The following TMEM229A variants were observed in gnomAD, a reference collection of about 807,000 sequenced individuals.
The protein encoded by TMEM229A is transmembrane protein 229A.
TMEM229A carries 23 observed loss-of-function variants against 30.0 expected under a neutral mutation model. The ratio of observed to expected loss-of-function variants is 0.77; its 90% confidence interval spans 0.55 to 1.09. The LOEUF (loss-of-function observed/expected upper bound fraction) is 1.09. Among genes scored for constraint, TMEM229A ranks in the 50% least tolerant of loss-of-function variants. The pLI is 0.00. For synonymous variants in TMEM229A, 264 were observed against 241.5 expected (o/e 1.09, Z -0.86); for missense variants, 534 against 525.9 (o/e 1.02, Z -0.15).
chr7:124,032,546 G>C lies in TMEM229A; in HGVS notation c.458C>G (p.Ala153Gly). The change falls in exon 1 of 1, where the codon GCG (alanine) becomes GGG (glycine). Residue 153 changes from alanine to glycine, a missense_variant. By Grantham distance (60) the Ala-to-Gly change is moderately conservative. Coordinates refer to ENST00000455783, the MANE Select transcript of TMEM229A (RefSeq NM_001136002.2). This position sits in a 1 kb window ranked among gnomAD's most constrained non-coding sequence, Gnocchi z 6.6. ...SLGGGAGVAVAPGALDLALQY... is the reference protein window; with the variant it reads ...SLGGGAGVAVGPGALDLALQY... ...CAGCGCCAGGTCCAGCGCCCCTGGC[G>C]CCACCGCGACCCCCGCCCCGCCGCC... The C allele has an allele frequency of 6.5e-7, 1 of 1,549,310 alleles. No homozygotes were observed. The highest frequency in any genetic ancestry group is 8.7e-7 in the Non-Finnish European group (1 of 1,145,932).
chr7:124,032,060 A>C lies in TMEM229A; in HGVS notation c.944T>G (p.Ile315Ser). Residue 315 changes from isoleucine to serine, a missense_variant, in exon 1 of 1, where the codon ATC (isoleucine) becomes AGC (serine). Ile to Ser is a moderately radical substitution (Grantham distance 142). Coordinates refer to ENST00000455783, the MANE Select transcript of TMEM229A (RefSeq NM_001136002.2). This position sits in a 1 kb window ranked among gnomAD's most constrained non-coding sequence, Gnocchi z 6.6. ...GTWKRVPIYVIFIYVWELSWG... is the reference protein window; with the variant it reads ...GTWKRVPIYVSFIYVWELSWG... ...GGACAGCTCCCACACGTAGATGAAG[A>C]TCACGTAGATGGGCACCCGCTTCCA... 1 of 1,551,664 alleles carries C rather than the reference A, an allele frequency of 6.4e-7. No homozygotes were observed. The highest frequency in any genetic ancestry group is 8.7e-7 in the Non-Finnish European group (1 of 1,146,998).
Position 124,032,967 on chromosome 7 carries a change from G to T in TMEM229A, c.37C>A (p.Arg13=). 2 of 1,318,052 alleles carry T rather than the reference G, an allele frequency of 1.5e-6. No individual in the cohort carries two copies. Among genetic ancestry groups the T allele is most frequent in the Non-Finnish European group, 9.6e-7 (1 of 1,039,842 alleles). 81.6% of individuals were successfully genotyped at this position (1,318,052 alleles called of 1,614,324 possible). A position where few individuals can be genotyped will look rare whatever the true frequency, so the allele number is the denominator to read the frequency against. ...GSDVDSEGPA[R]RGGAARRPGA... The stretch of plus-strand genomic sequence containing the variant: ...GGACGCCGCGCCGCGCCGCCCCTCC[G>T]TGCGGGGCCCTCGCTGTCCACGTCG... The change falls in exon 1 of 1, where the codon CGG becomes AGG. Residue 13 remains arginine, a synonymous_variant. Coordinates refer to ENST00000455783, the MANE Select transcript of TMEM229A (RefSeq NM_001136002.2). The surrounding 1 kb of genome is among the most constrained non-coding windows in gnomAD (Gnocchi z 6.6).
In TMEM229A at chr7:124,031,236, AT is replaced by A. The variant is rs1450243842; in HGVS notation, c.*624del. On this transcript the variant is annotated 3_prime_UTR_variant, in exon 1 of 1. Coordinates refer to ENST00000455783, the MANE Select transcript of TMEM229A (RefSeq NM_001136002.2). The surrounding 1 kb of genome is among the most constrained non-coding windows in gnomAD (Gnocchi z 4.1). ...TGTGAGTTGCTAGAAAAGACCTCTC[AT>A]TTAAAAATCTGTTCATAGAACGTGC... 1 of 152,240 alleles carries A rather than the reference AT, an allele frequency of 6.6e-6. No individual in the cohort carries two copies. Among genetic ancestry groups the A allele is most frequent in the African/African-American group, 2.4e-5 (1 of 41,462 alleles). 9.4% of individuals were successfully genotyped at this position (152,240 alleles called of 1,614,324 possible).
rs71163719 is a variant in TMEM229A, at chr7:124,032,402, C to CGCTGCTGCT, written c.593_601dup (p.Gln198_Gln200dup). On this transcript the variant is annotated inframe_insertion, in exon 1 of 1. Transcript: ENST00000455783. The surrounding 1 kb of genome is among the most constrained non-coding windows in gnomAD (Gnocchi z 6.6). The stretch of plus-strand genomic sequence containing the variant: ...GGGAGGGACGGGGAGCGCGCCCCTC[C>CGCTGCTGCT]GCTGCTGCTGCTGCTGCTGCTGCTG... 9.6e-5 allele frequency: 147 copies of CGCTGCTGCT among 1,539,026 alleles called. No individual in the cohort carries two copies. Among genetic ancestry groups the CGCTGCTGCT allele is most frequent in the Middle Eastern group, 5.6e-4 (3 of 5,320 alleles).
Position 124,032,809 on chromosome 7 carries a change from G to T in TMEM229A, c.195C>A (p.Ile65=), listed in dbSNP as rs909338753. 1 of 1,550,456 alleles carries T rather than the reference G, an allele frequency of 6.4e-7. No homozygotes were observed. The highest frequency in any genetic ancestry group is 8.7e-7 in the Non-Finnish European group (1 of 1,146,650). Residue 65 remains isoleucine (I), a synonymous_variant, in exon 1 of 1, where the codon ATC becomes ATA. Coordinates refer to ENST00000455783, the MANE Select transcript of TMEM229A (RefSeq NM_001136002.2). The surrounding 1 kb of genome is among the most constrained non-coding windows in gnomAD (Gnocchi z 6.6). ...MRLYFYGMHG[I]TLDVLVSSAR... ...CCGAGGACACCAGCACGTCCAGGGT[G>T]ATCCCGTGCATCCCGTAGAAGTAGA...
Position 124,032,454 on chromosome 7 carries a change from G to T in TMEM229A, c.550C>A (p.Arg184=). 2 of 1,548,272 alleles carry T rather than the reference G, an allele frequency of 1.3e-6. No individual in the cohort carries two copies. Among genetic ancestry groups the T allele is most frequent in the Non-Finnish European group, 8.7e-7 (1 of 1,146,504 alleles). The change falls in exon 1 of 1, where the codon CGA becomes AGA. Residue 184 remains arginine (R), a synonymous_variant. Transcript: ENST00000455783. The surrounding 1 kb of genome is among the most constrained non-coding windows in gnomAD (Gnocchi z 6.6). The part of the protein sequence containing the change: ...LKRFLRLRYG[R]QRRRQQQQQQ... ...TGTTGCTGCTGCCGCCGCCTCTGTC[G>T]CCCGTACCGCAAGCGCAGGAAGCGC...
chr7:124,031,295 G>A lies in TMEM229A; in HGVS notation c.*566C>T, dbSNP rs1488523044. The stretch of plus-strand genomic sequence containing the variant: ...TTTTTCAGCCTCTTTTCACTTGTGT[G>A]CTAGACGGAGGCACTTTAAGAGCTA... On this transcript the variant is annotated 3_prime_UTR_variant, in exon 1 of 1. Transcript: ENST00000455783. This position sits in a 1 kb window ranked among gnomAD's most constrained non-coding sequence, Gnocchi z 4.1. The A allele has an allele frequency of 1.3e-5, 2 of 152,226 alleles. No homozygotes were observed. Among genetic ancestry groups the A allele is most frequent in the African/African-American group, 4.8e-5 (2 of 41,462 alleles). 9.4% of individuals were successfully genotyped at this position (152,226 alleles called of 1,614,324 possible).
rs745427714 is a variant in TMEM229A at position 124,032,477 on chromosome 7, C to A, written c.527G>T (p.Arg176Leu). The A allele has an allele frequency of 3.0e-5, 46 of 1,549,502 alleles. No individual in the cohort carries two copies. The highest frequency in any genetic ancestry group is 3.8e-5 in the Non-Finnish European group (44 of 1,146,584). ...ALYHCQVFLK[R>L]FLRLRYGRQR... ...TCGCCCGTACCGCAAGCGCAGGAAG[C>A]GCTTCAGGAACACTTGGCAGTGGTA... The change falls in exon 1 of 1, where the codon CGC becomes CTC. Residue 176 changes from arginine to leucine, a missense_variant. Arg to Leu is a moderately radical substitution (Grantham distance 102). Coordinates refer to ENST00000455783, the MANE Select transcript of TMEM229A (RefSeq NM_001136002.2). This position sits in a 1 kb window ranked among gnomAD's most constrained non-coding sequence, Gnocchi z 6.6.
chr7:124,032,556 C>T lies in TMEM229A; in HGVS notation c.448G>A (p.Val150Ile), dbSNP rs1437254014. Residue 150 changes from valine (V) to isoleucine (I), a missense_variant, in exon 1 of 1, where the codon GTC becomes ATC. Coordinates refer to ENST00000455783, the MANE Select transcript of TMEM229A (RefSeq NM_001136002.2). The surrounding 1 kb of genome is among the most constrained non-coding windows in gnomAD (Gnocchi z 6.6). ...TCCAGCGCCCCTGGCGCCACCGCGACCCCCGCCCCGCCGCCCAGGCTGAGT... is the reference window on the plus strand; with the variant it reads ...TCCAGCGCCCCTGGCGCCACCGCGATCCCCGCCCCGCCGCCCAGGCTGAGT... ...LLLSLGGGAGVAVAPGALDLA... is the reference protein window; with the variant it reads ...LLLSLGGGAGIAVAPGALDLA... 5 of 1,549,308 alleles carry T rather than the reference C, an allele frequency of 3.2e-6. No homozygotes were observed. The highest frequency in any genetic ancestry group is 2.5e-5 in the East Asian group (1 of 40,808).
chr7:124,031,876 G>C lies in TMEM229A; in HGVS notation c.1128C>G (p.Tyr376Ter). The change falls in exon 1 of 1, where the codon TAC (tyrosine) becomes TAG (stop). Residue 376 changes from tyrosine to a stop codon, truncating the protein, a stop_gained. Coordinates refer to ENST00000455783, the MANE Select transcript of TMEM229A (RefSeq NM_001136002.2). LOFTEE classifies it high-confidence loss of function. The surrounding 1 kb of genome is among the most constrained non-coding windows in gnomAD (Gnocchi z 4.1). ...TTTTTTGGTTTTAGTTAGCTGGTAC[G>C]TACTGCACCCTCCACAACACGTTGG... Reference protein sequence around the residue: ...LISNVLWRVQYVPAN With the variant: ...LISNVLWRVQ 1 of 1,550,338 alleles carries C rather than the reference G, an allele frequency of 6.5e-7. No individual in the cohort carries two copies. Among genetic ancestry groups the C allele is most frequent in the Non-Finnish European group, 8.7e-7 (1 of 1,146,356 alleles).
Position 124,032,953 on chromosome 7 carries a change from C to T in TMEM229A, c.51G>A (p.Ala17=). ...DSEGPARRGG[A]ARRPGAPGGP... is the part of the protein sequence containing the mutation. The stretch of plus-strand genomic sequence containing the variant: ...CGCCAGGGGCCCCCGGACGCCGCGC[C>T]GCGCCGCCCCTCCGTGCGGGGCCCT... Residue 17 remains alanine (A), a synonymous_variant, in exon 1 of 1, where the codon GCG becomes GCA. Transcript: ENST00000455783. This position sits in a 1 kb window ranked among gnomAD's most constrained non-coding sequence, Gnocchi z 6.6. 7.5e-7 allele frequency: 1 copy of T among 1,334,986 alleles called. No individual in the cohort carries two copies. Among genetic ancestry groups the T allele is most frequent in the South Asian group, 2.0e-5 (1 of 49,050 alleles). The allele number at this position is 1,334,986 out of a possible 1,614,324, so 82.7% of individuals were successfully genotyped here.
Position 124,032,064 on chromosome 7 carries a change from C to T in TMEM229A, c.940G>A (p.Val314Met), listed in dbSNP as rs1410242477. 2.6e-6 allele frequency: 4 copies of T among 1,551,714 alleles called. No homozygotes were observed. The highest frequency in any genetic ancestry group is 2.0e-5 in the Admixed American group (1 of 51,004). ...AGCTCCCACACGTAGATGAAGATCA[C>T]GTAGATGGGCACCCGCTTCCAAGTG... ...WGTWKRVPIY[V>M]IFIYVWELSW... is the part of the protein sequence containing the mutation. Residue 314 changes from valine to methionine, a missense_variant, in exon 1 of 1, where the codon GTG becomes ATG. Val to Met is a conservative substitution (Grantham distance 21). Coordinates refer to ENST00000455783, the MANE Select transcript of TMEM229A (RefSeq NM_001136002.2). This position sits in a 1 kb window ranked among gnomAD's most constrained non-coding sequence, Gnocchi z 6.6.
At position 124,032,392 on chromosome 7, in the gene TMEM229A, C is replaced by A; in HGVS notation, c.612G>T (p.Ala204=). The change falls in exon 1 of 1, where the codon GCG becomes GCT. Residue 204 remains alanine, a synonymous_variant. Coordinates refer to ENST00000455783, the MANE Select transcript of TMEM229A (RefSeq NM_001136002.2). This position sits in a 1 kb window ranked among gnomAD's most constrained non-coding sequence, Gnocchi z 6.6. The stretch of plus-strand genomic sequence containing the variant: ...CCCGGGCGCCGGGAGGGACGGGGAG[C>A]GCGCCCCTCCGCTGCTGCTGCTGCT... ...QQQQQQQRRG[A]LPVPPGARVP... 1 of 1,541,012 alleles carries A rather than the reference C, an allele frequency of 6.5e-7. No individual in the cohort carries two copies. The highest frequency in any genetic ancestry group is 2.5e-5 in the East Asian group (1 of 40,386).
rs1266239366 is a variant in TMEM229A at position 124,032,815 on chromosome 7, G to A, written c.189C>T (p.His63=). The change falls in exon 1 of 1, where the codon CAC becomes CAT. Residue 63 remains histidine, a synonymous_variant. Coordinates refer to ENST00000455783, the MANE Select transcript of TMEM229A (RefSeq NM_001136002.2). This position sits in a 1 kb window ranked among gnomAD's most constrained non-coding sequence, Gnocchi z 6.6. The stretch of plus-strand genomic sequence containing the variant: ...ACACCAGCACGTCCAGGGTGATCCC[G>A]TGCATCCCGTAGAAGTAGAGGCGCA... ...AWMRLYFYGM[H]GITLDVLVSS... The A allele has an allele frequency of 1.3e-6, 2 of 1,550,146 alleles. No homozygotes were observed. The highest frequency in any genetic ancestry group is 2.0e-5 in the Admixed American group (1 of 50,934).
chr7:124,032,807 G>A lies in TMEM229A; in HGVS notation c.197C>T (p.Thr66Ile). Residue 66 changes from threonine (T) to isoleucine (I), a missense_variant, in exon 1 of 1, where the codon ACC becomes ATC. By Grantham distance (89) the Thr-to-Ile change is moderately conservative. Coordinates refer to ENST00000455783, the MANE Select transcript of TMEM229A (RefSeq NM_001136002.2). The surrounding 1 kb of genome is among the most constrained non-coding windows in gnomAD (Gnocchi z 6.6). ...GGCCGAGGACACCAGCACGTCCAGG[G>A]TGATCCCGTGCATCCCGTAGAAGTA... The part of the protein sequence containing the change: ...RLYFYGMHGI[T>I]LDVLVSSARR... 2 of 1,550,622 alleles carry A rather than the reference G, an allele frequency of 1.3e-6. No homozygotes were observed. The highest frequency in any genetic ancestry group is 1.7e-6 in the Non-Finnish European group (2 of 1,146,712).
Position 124,031,675 on chromosome 7 carries a change from GTATAT to G in TMEM229A, c.*181_*185del, listed in dbSNP as rs1356817675. On this transcript the variant is annotated 3_prime_UTR_variant, in exon 1 of 1. Transcript: ENST00000455783. This position sits in a 1 kb window ranked among gnomAD's most constrained non-coding sequence, Gnocchi z 4.1. The stretch of plus-strand genomic sequence containing the variant: ...ATTATGTTTCGAGTAGTGTTTCAAA[GTATAT>G]TATACACGGGTTTCAAATAGAAAAA... 2 of 593,492 alleles carry G rather than the reference GTATAT, an allele frequency of 3.4e-6. No homozygotes were observed. Among genetic ancestry groups the G allele is most frequent in the African/African-American group, 1.9e-5 (1 of 53,628 alleles). The allele number at this position is 593,492 out of a possible 1,614,324, so 36.8% of individuals were successfully genotyped here.
Position 124,032,723 on chromosome 7 carries a change from C to T in TMEM229A, c.281G>A (p.Cys94Tyr). 1 of 1,551,444 alleles carries T rather than the reference C, an allele frequency of 6.4e-7. No homozygotes were observed. The highest frequency in any genetic ancestry group is 8.7e-7 in the Non-Finnish European group (1 of 1,146,884). Residue 94 changes from cysteine to tyrosine, a missense_variant, in exon 1 of 1, where the codon TGC (cysteine) becomes TAC (tyrosine). By Grantham distance (194) the Cys-to-Tyr change is radical (BLOSUM62 -2). Transcript: ENST00000455783. The surrounding 1 kb of genome is among the most constrained non-coding windows in gnomAD (Gnocchi z 6.6). ...GAAATGGGTGAGCGAGTGCAGCAGG[C>T]AGCGGTAGGGCGAGGAGAAGCCTAG... ...RMLGFSSPYR[C>Y]LLHSLTHFAL... is the part of the protein sequence containing the mutation.
Position 124,032,514 on chromosome 7 carries a change from C to G in TMEM229A, c.490G>C (p.Val164Leu). Residue 164 changes from valine (V) to leucine (L), a missense_variant, in exon 1 of 1, where the codon GTG becomes CTG. By Grantham distance (32) the Val-to-Leu change is conservative. Coordinates refer to ENST00000455783, the MANE Select transcript of TMEM229A (RefSeq NM_001136002.2). The surrounding 1 kb of genome is among the most constrained non-coding windows in gnomAD (Gnocchi z 6.6). Reference sequence around the variant, plus strand: ...ACTTGGCAGTGGTAGAGCGCCAGCACGTACTGCAGCGCCAGGTCCAGCGCC... The same window carrying G: ...ACTTGGCAGTGGTAGAGCGCCAGCAGGTACTGCAGCGCCAGGTCCAGCGCC... ...PGALDLALQY[V>L]LALYHCQVFL... The G allele has an allele frequency of 6.5e-7, 1 of 1,549,940 alleles. No homozygotes were observed. The highest frequency in any genetic ancestry group is 1.2e-5 in the South Asian group (1 of 84,012).
In TMEM229A at chr7:124,032,316, C is replaced by G; in HGVS notation, c.688G>C (p.Ala230Pro). 1.3e-6 allele frequency: 2 copies of G among 1,548,978 alleles called. No individual in the cohort carries two copies. Among genetic ancestry groups the G allele is most frequent in the Non-Finnish European group, 1.7e-6 (2 of 1,146,520 alleles). ...RRRRPRGPRG[A>P]GGAPSQGLPD... Reference sequence around the variant, plus strand: ...AGCCCCTGGCTGGGGGCTCCCCCGGCGCCCCTGGGGCCACGGGGTCGTCGC... The same window carrying G: ...AGCCCCTGGCTGGGGGCTCCCCCGGGGCCCCTGGGGCCACGGGGTCGTCGC... Residue 230 changes from alanine to proline, a missense_variant, in exon 1 of 1, where the codon GCC becomes CCC. By Grantham distance (27) the Ala-to-Pro change is conservative (BLOSUM62 -1). Coordinates refer to ENST00000455783, the MANE Select transcript of TMEM229A (RefSeq NM_001136002.2). The surrounding 1 kb of genome is among the most constrained non-coding windows in gnomAD (Gnocchi z 6.6).
Sources: allele counts gnomAD v4.1 joint callset, GRCh38; gene constraint gnomAD v4.1.1; non-coding constraint Gnocchi (gnomAD v3.1); transcripts MANE v1.5; gene names NCBI Gene and HGNC (gene_info 2026-07-23, HGNC 2026-07-21).